Variants in NPRL3 observed in about 807,000 individuals in gnomAD.
NPRL3 encodes NPR3 like, GATOR1 complex subunit.
Under a neutral mutation model 57.2 loss-of-function variants are expected in NPRL3, and 23 were observed. The observed-to-expected ratio is 0.40, with a 90% CI of 0.29 to 0.57. The LOEUF (loss-of-function observed/expected upper bound fraction) is 0.57, where lower values mean the gene tolerates loss of function less well. NPRL3 is among the 20% of genes least tolerant of loss of function. The pLI, the probability that NPRL3 is intolerant of heterozygous loss-of-function variation, is 0.42. For synonymous variants in NPRL3, 333 were observed against 321.1 expected, an observed-to-expected ratio of 1.04 and a Z score of -0.39; for missense variants, 691 against 767.1, an observed-to-expected ratio of 0.90 and a Z score of 1.17.
rs751842451 is a variant in NPRL3 at position 138,161 on chromosome 16, G to A, written c.107C>T (p.Ala36Val). 11 of 1,603,256 alleles carry A rather than the reference G, an allele frequency of 6.9e-6. No individual in the cohort carries two copies. The highest frequency in any genetic ancestry group is 3.3e-4 in the Middle Eastern group (2 of 6,054). ...CAGCGCTCACTTACTTGTCTGGGAC[G>A]CCGGGTGCTCCTGGCTTCTCTGGAA... ...YPFQRSQEHP[A>V]SQTSKPRSRY... Residue 36 changes from alanine (A) to valine (V), a missense_variant, in exon 2 of 14, where the codon GCG becomes GTG. Transcript: ENST00000611875.
intron 9 of NPRL3, among the ~76,000 whole-genome samples, chr16:95,982 C>T (rs1035588765): frequency 2.7e-4 from 41 of 152,310 alleles, no homozygotes; most frequent in African/African-American, 7.9e-4. Context: ...GGGGCTTCCG[C>T]ACCGCCACAC....
chr16:134,099 C>A (rs1900939939), intron 2 of NPRL3, among the ~76,000 whole-genome samples: 1 of 151,824 alleles, frequency 6.6e-6, no homozygotes, highest in Non-Finnish European at 1.5e-5. Flanking sequence ...ACCAAAACAC[C>A]ACCCAGAGAC....
intron 4 of NPRL3, among the ~76,000 whole-genome samples, chr16:117,867 G>C (rs1390393391): frequency 6.6e-6 from 1 of 152,238 alleles, no homozygotes; most frequent in Admixed American, 6.5e-5. Context: ...ACAAGGACCA[G>C]GGCGCTCAAG....
intron 3 of NPRL3, 172 bp from the exon 4 acceptor site, chr16:119,427 T>C (rs989488519): frequency 6.3e-6 from 4 of 635,952 alleles, no homozygotes; most frequent in Non-Finnish European, 1.1e-5. Context: ...ATCCCAGAGG[T>C]TATGGATGTA....
intron 9 of NPRL3, among the ~76,000 whole-genome samples, chr16:95,414 C>T (rs980759873): frequency 6.9e-6 from 1 of 144,218 alleles, no homozygotes; most frequent in Non-Finnish European, 1.5e-5. Context: ...GATAAAAAAC[C>T]TGGAGGGATC....
At chr16:96,667 AAAATATT>A (rs1899020986) in intron 9 of NPRL3, among the ~76,000 whole-genome samples, 1 of 150,714 alleles carries the variant, frequency 6.6e-6, no homozygotes. Flanking sequence ...AAAAAAAAAA[AAAATATT>A]AGCCAGGCGC....
chr16:124,083 G>A lies in NPRL3; in HGVS notation c.189-4828C>T, dbSNP rs971558746. On this transcript the variant is annotated intron_variant, in intron 3 of 13. Transcript: ENST00000611875. ...AGAAACAGGATCACACACTCCCCAC[G>A]CTGAGAAACAGATCACACACTCCCA... is the stretch of plus-strand genomic sequence containing the variant. Among the ~76,000 whole-genome samples the A allele has an allele frequency of 4.2e-5, 5 of 120,266 alleles. No individual in the cohort carries two copies. In the Admixed American group the frequency reaches 4.4e-4, roughly 11 times the overall value. 78.9% of individuals were successfully genotyped at this position (120,266 alleles called of 152,430 possible). A position where few individuals can be genotyped will look rare whatever the true frequency, so the allele number is the denominator to read the frequency against.
intron 7 of NPRL3, among the ~76,000 whole-genome samples, chr16:105,656 C>G (rs570423154): frequency 6.6e-6 from 1 of 151,496 alleles, no homozygotes; most frequent in East Asian, 2.0e-4. Context: ...AACCATTCAG[C>G]AAATCACTTC....
At chr16:128,804 G>C (rs1218170783) in intron 3 of NPRL3, among the ~76,000 whole-genome samples, 1 of 152,072 alleles carries the variant, frequency 6.6e-6, no homozygotes, top group African/African-American at 2.4e-5. Context: ...GAGTGGATTT[G>C]ATGCACTTTC....
At chr16:136,543 T>C (rs1901088794) in intron 2 of NPRL3, among the ~76,000 whole-genome samples, 1 of 140,934 alleles carries the variant, frequency 7.1e-6, no homozygotes, top group South Asian at 2.5e-4. Context: ...AAAAAAAAAA[T>C]TAGCTGGGCA....
rs1307420882 is a variant in NPRL3 at position 128,152 on chromosome 16, C to T, written c.188+2370G>A. On this transcript the variant is annotated intron_variant, in intron 3 of 13. Coordinates refer to ENST00000611875, the MANE Select transcript of NPRL3 (RefSeq NM_001077350.3). ...GATTACAGGCATGTGCTCCCATGCC[C>T]GACAAATTTTTGTATTTTTAGTAGA... 5.3e-5 allele frequency among the ~76,000 whole-genome samples: 8 copies of T among 152,036 alleles called. No homozygotes were observed. In the East Asian group the frequency reaches 7.7e-4, roughly 15 times the overall value.
rs880482 is a variant in NPRL3, at chr16:89,349, C to G, written c.1351+364G>C. The G allele has an allele frequency of 5.7e-4, 166 of 290,584 alleles. 3 individuals are homozygous for G. The South Asian group carries it at 0.011, about 20-fold the overall frequency. The allele number at this position is 290,584 out of a possible 1,614,324, so 18.0% of individuals were successfully genotyped here. On this transcript the variant is annotated intron_variant, in intron 12 of 13. Transcript: ENST00000611875. The stretch of plus-strand genomic sequence containing the variant: ...GGACCTGGCAACAGGCTGCTGCCCT[C>G]AAGCCACACTGGCCATGACGGCTCT...
At chr16:93,722 C>T (rs1363508115) in intron 9 of NPRL3, among the ~76,000 whole-genome samples, 16 of 152,286 alleles carry the variant, frequency 1.1e-4, no homozygotes, top group African/African-American at 2.9e-4. Flanking sequence ...CATGCCACCA[C>T]GCCCAGCTAA....
rs761991763 is a variant in NPRL3 at position 95,325 on chromosome 16, G to GTGTA, written c.925-2001_925-2000insTACA. ...AATACAAAATAAAATGTTTGTGTGT[G>GTGTA]TATATATATATATATATATATATAT... is the stretch of plus-strand genomic sequence containing the variant. On this transcript the variant is annotated intron_variant, in intron 9 of 13. Coordinates refer to ENST00000611875, the MANE Select transcript of NPRL3 (RefSeq NM_001077350.3). Among the ~76,000 whole-genome samples, 399 of 102,038 alleles carry GTGTA rather than the reference G, an allele frequency of 3.9e-3. 1 individual carries two copies. Among genetic ancestry groups the GTGTA allele is most frequent in the East Asian group, 0.013 (38 of 2,994 alleles). 66.9% of individuals were successfully genotyped at this position (102,038 alleles called of 152,430 possible).
Position 85,461 on chromosome 16 carries a change from G to C in NPRL3, c.*1244C>G. ...CCCCTGGAAGGTCTGGAGACCATGC[G>C]TCAGCTTCGCAGCACCCTCCGGAAA... On this transcript the variant is annotated 3_prime_UTR_variant, in exon 14 of 14. Transcript: ENST00000611875. 1 of 1,613,036 alleles carries C rather than the reference G, an allele frequency of 6.2e-7. No individual in the cohort carries two copies. The highest frequency in any genetic ancestry group is 8.5e-7 in the Non-Finnish European group (1 of 1,180,010).
At chr16:106,002 C>A (rs1030759359) in intron 7 of NPRL3, among the ~76,000 whole-genome samples, 4 of 152,216 alleles carry the variant, frequency 2.6e-5, no homozygotes, top group Non-Finnish European at 5.9e-5. Flanking sequence ...CACCATAACC[C>A]TAGCTTTAAT....
In NPRL3 at chr16:85,685, G is replaced by A. The variant is rs778997276; in HGVS notation, c.*1020C>T. ...CCGGGTGGGCGTCGGCCATGCAGGG[G>A]AGTGGGCCCGGAAACCCCTCCGCTT... On this transcript the variant is annotated 3_prime_UTR_variant, in exon 14 of 14. Coordinates refer to ENST00000611875, the MANE Select transcript of NPRL3 (RefSeq NM_001077350.3). 1.3e-6 allele frequency: 2 copies of A among 1,557,360 alleles called. No individual in the cohort carries two copies. Among genetic ancestry groups the A allele is most frequent in the Non-Finnish European group, 1.7e-6 (2 of 1,148,830 alleles).
rs527408398 is a variant in NPRL3 at position 102,419 on chromosome 16, G to A, written c.630-1910C>T. 6.6e-5 allele frequency among the ~76,000 whole-genome samples: 10 copies of A among 152,308 alleles called. No individual in the cohort carries two copies. The South Asian group carries it at 8.3e-4, about 13-fold the overall frequency. On this transcript the variant is annotated intron_variant, in intron 7 of 13. Coordinates refer to ENST00000611875, the MANE Select transcript of NPRL3 (RefSeq NM_001077350.3). ...CAAGGCCTGGCTACTCAAAGTGGCC[G>A]GCACCTTCCTTGTGTCCTGCACAGG...
chr16:104,580 C>T (rs982760574), intron 7 of NPRL3, among the ~76,000 whole-genome samples: 3 of 152,192 alleles, frequency 2.0e-5, no homozygotes, highest in African/African-American at 7.2e-5. Flanking sequence ...GGCATGGGGC[C>T]CTCTCCTCTG....
Sources: gnomAD v4.1 joint callset for allele counts (sites outside exome capture counted in the v4.1 genomes callset) on GRCh38, gnomAD v4.1.1 for gene constraint, MANE v1.5 for transcripts, NCBI Gene and HGNC (gene_info 2026-07-23, HGNC 2026-07-21) for gene names.